Variants in PUM3 observed in about 807,000 individuals in gnomAD.
PUM3 encodes pumilio RNA binding family member 3.
In PUM3, 91 loss-of-function variants were observed where a neutral mutation model predicts 84.0. That is an observed-to-expected ratio of 1.08 (90% CI 0.91 to 1.29). PUM3 has a LOEUF of 1.29. PUM3 is among the 50% of genes most tolerant of loss of function. The pLI is 0.00. For missense variants in PUM3, 1,067 were observed against 767.5 expected (o/e 1.39, Z -4.61); for synonymous variants, 321 against 266.7 (o/e 1.20, Z -1.98).
chr9:2,838,318 A>G, intron 2 of PUM3, 108 bp downstream of exon 2: 1 of 765,628 alleles, frequency 1.3e-6, no homozygotes, highest in Non-Finnish European at 2.3e-6. Context: ...ACTTCTTCCT[A>G]CTATTTTAAT....
At chr9:2,829,093 A>C (rs1285525042) in intron 8 of PUM3, among the ~76,000 whole-genome samples, 3 of 152,246 alleles carry the variant, frequency 2.0e-5, no homozygotes, top group Non-Finnish European at 4.4e-5. Context: ...CATATGTTTT[A>C]TAATTAGTTG....
intron 17 of PUM3, 149 bp from the exon 18 acceptor site, chr9:2,804,612 G>GAC (rs1382233324): frequency 3.2e-5 from 24 of 743,688 alleles, no homozygotes; most frequent in Non-Finnish European, 4.9e-5. Flanking sequence ...TGAATGATGA[G>GAC]ACCAGTAGCC....
chr9:2,820,148 C>G (rs772548547), intron 12 of PUM3, 50 bp from the exon 13 acceptor site: 12 of 1,118,092 alleles, frequency 1.1e-5, no homozygotes, highest in African/African-American at 1.5e-5. Flanking sequence ...CATAGATCTT[C>G]CCTCTTATTT....
At chr9:2,828,019 A>G (rs1815870127) in intron 9 of PUM3, among the ~76,000 whole-genome samples, 1 of 152,102 alleles carries the variant, frequency 6.6e-6, no homozygotes, top group South Asian at 2.1e-4. Context: ...CAGGCTTCCA[A>G]GTCTTACAAT....
chr9:2,832,348 G>A lies in PUM3; in HGVS notation c.517-1004C>T, dbSNP rs572605772. 2.6e-5 allele frequency among the ~76,000 whole-genome samples: 4 copies of A among 152,106 alleles called. No homozygotes were observed. The East Asian group carries it at 5.8e-4, about 22-fold the overall frequency. On this transcript the variant is annotated intron_variant, in intron 5 of 17. Transcript: ENST00000397885. The stretch of plus-strand genomic sequence containing the variant: ...GAAGTAAGGTTATGAGAAGGAACTC[G>A]CTATCTCTATTACCCCGAGGAAGAA...
In PUM3 at chr9:2,804,376, G is replaced by A. The variant is rs1821219049; in HGVS notation, c.1902C>T (p.Ser634=). Residue 634 remains serine, a synonymous_variant, in exon 18 of 18, where the codon AGC becomes AGT. Coordinates refer to ENST00000397885, the MANE Select transcript of PUM3 (RefSeq NM_014878.5). ...SLIPTLEKTK[S]TSKGIEILLE... is the part of the protein sequence containing the mutation. ...GTAGAATTTCTATTCCTTTGCTGGT[G>A]CTTTTGGTTTTTTCCAATGTAGGAA... 1.9e-6 allele frequency: 3 copies of A among 1,613,766 alleles called. No individual in the cohort carries two copies. Among genetic ancestry groups the A allele is most frequent in the Non-Finnish European group, 2.5e-6 (3 of 1,179,858 alleles).
intron 17 of PUM3, among the ~76,000 whole-genome samples, chr9:2,805,253 G>A (rs371893764): frequency 7.9e-5 from 12 of 152,188 alleles, no homozygotes; most frequent in East Asian, 7.7e-4. Context: ...AAATAAGCCC[G>A]GCCTCTGCGT....
rs73377856 is a variant in PUM3, at chr9:2,829,857, A to T, written c.769T>A (p.Tyr257Asn). The T allele has an allele frequency of 2.5e-5, 40 of 1,614,094 alleles. No individual in the cohort carries two copies. In the African/African-American group the frequency reaches 5.3e-4, roughly 22 times the overall value. Residue 257 changes from tyrosine (Y) to asparagine (N), a missense_variant, in exon 8 of 18, where the codon TAC becomes AAC. Coordinates refer to ENST00000397885, the MANE Select transcript of PUM3 (RefSeq NM_014878.5). ...RHAEASAIVE[Y>N]AYNDKAILEQ... ...AAAATGGCTTTGTCATTGTATGCGT[A>T]CTCCACGATGGCTGATGCTTCCGCA...
rs757836700 is a variant in PUM3 at position 2,811,602 on chromosome 9, G to C, written c.1413-19C>G. 1 of 1,575,880 alleles carries C rather than the reference G, an allele frequency of 6.3e-7. No homozygotes were observed. The highest frequency in any genetic ancestry group is 1.3e-5 in the African/African-American group (1 of 74,256). Reference sequence around the variant, plus strand: ...TTTCTTACTGTTGAGTATGTTGAACGGGGTATTAAGGTAAGATAAATCGCA... The same window carrying C: ...TTTCTTACTGTTGAGTATGTTGAACCGGGTATTAAGGTAAGATAAATCGCA... On this transcript the variant is annotated intron_variant, in intron 14 of 17. Coordinates refer to ENST00000397885, the MANE Select transcript of PUM3 (RefSeq NM_014878.5).
intron 13 of PUM3, among the ~76,000 whole-genome samples, chr9:2,815,437 T>C (rs1025301568): frequency 6.6e-6 from 1 of 152,154 alleles, no homozygotes; most frequent in Non-Finnish European, 1.5e-5. Flanking sequence ...GTAACATGTA[T>C]AAATAGGTAA....
chr9:2,831,453 A>G (rs939797493), intron 5 of PUM3, 109 bp from the exon 6 acceptor site: 1 of 708,628 alleles, frequency 1.4e-6, no homozygotes, highest in South Asian at 1.7e-5. Flanking sequence ...GGTAGTCTTC[A>G]TGAATAAAAT....
chr9:2,827,099 TA>T lies in PUM3; in HGVS notation c.1008del (p.Phe336LeufsTer12). 1.2e-6 allele frequency: 2 copies of T among 1,609,370 alleles called. No homozygotes were observed. The highest frequency in any genetic ancestry group is 1.7e-5 in the Admixed American group (1 of 59,334). ...GATCTGAGTTTGGGGGGTGCATAGG[TA>T]AAAAAGTCCAAGAATACTTTATGCA... is the stretch of plus-strand genomic sequence containing the variant. ...SLVHKVFLDFFTYAPPKLRSE... is the reference protein window; with the variant it reads ...SLVHKVFLDFXTYAPPKLRSE... On this transcript the variant is annotated frameshift_variant, in exon 10 of 18. Transcript: ENST00000397885. LOFTEE classifies it high-confidence loss of function.
At chr9:2,843,149 T>C (rs1047735271) in intron 1 of PUM3, among the ~76,000 whole-genome samples, 15 of 152,154 alleles carry the variant, frequency 9.9e-5, no homozygotes, top group African/African-American at 3.4e-4. Context: ...GGAACGGAAA[T>C]GTTTTCCTAT....
intron 8 of PUM3, 55 bp downstream of exon 8, chr9:2,829,719 A>C: frequency 6.8e-7 from 1 of 1,480,908 alleles, no homozygotes; most frequent in East Asian, 2.3e-5. Flanking sequence ...CCGGAAGTTA[A>C]GGAAGAGCAT....
chr9:2,828,760 G>C lies in PUM3; in HGVS notation c.871C>G (p.Leu291Val). The change falls in exon 9 of 18, where the codon CTG (leucine) becomes GTG (valine). Residue 291 changes from leucine to valine, a missense_variant. Coordinates refer to ENST00000397885, the MANE Select transcript of PUM3 (RefSeq NM_014878.5). ...QLYKSADHRT[L>V]DKVLEVQPEK... ...GGCTGTACCTCTAACACTTTGTCCA[G>C]AGTTCGGTGATCTGCTGACTGCAAC... 1 of 1,598,182 alleles carries C rather than the reference G, an allele frequency of 6.3e-7. No homozygotes were observed. The highest frequency in any genetic ancestry group is 8.6e-7 in the Non-Finnish European group (1 of 1,165,928).
chr9:2,810,738 G>T (rs1040331575), intron 15 of PUM3, among the ~76,000 whole-genome samples: 2 of 152,130 alleles, frequency 1.3e-5, no homozygotes, highest in Admixed American at 6.6e-5. Context: ...TGCTAATCAC[G>T]TCTTGGATTG....
At position 2,831,356 on chromosome 9, in the gene PUM3, A is replaced by G; in HGVS notation, c.517-12T>C. 6.5e-7 allele frequency: 1 copy of G among 1,536,996 alleles called. No homozygotes were observed. Among genetic ancestry groups the G allele is most frequent in the South Asian group, 1.1e-5 (1 of 87,626 alleles). ...TGTGCAAATGCAATCTGCAGGAAAA[A>G]GTTTGAGTTAGACTAATTCTCTTTT... is the stretch of plus-strand genomic sequence containing the variant. On this transcript the variant is annotated splice_polypyrimidine_tract_variant and intron_variant, in intron 5 of 17. Transcript: ENST00000397885.
chr9:2,823,022 T>A (rs79231357), intron 12 of PUM3, among the ~76,000 whole-genome samples: 6,107 of 151,832 alleles, frequency 0.04, 133 homozygotes, highest in East Asian at 0.069. Context: ...TTTCAAAGGA[T>A]AAAGTAGTTG....
rs201936048 is a variant in PUM3, at chr9:2,837,233, G to T, written c.251C>A (p.Pro84Gln). The T allele has an allele frequency of 1.9e-6, 3 of 1,614,032 alleles. No homozygotes were observed. Among genetic ancestry groups the T allele is most frequent in the Non-Finnish European group, 2.5e-6 (3 of 1,179,966 alleles). The change falls in exon 3 of 18, where the codon CCG (proline) becomes CAG (glutamine). Residue 84 changes from proline (P) to glutamine (Q), a missense_variant. Pro to Gln is a moderately conservative substitution (Grantham distance 76, BLOSUM62 -1). Transcript: ENST00000397885. ...TCTCTTCTTGTTGAATTTATTTGCC[G>T]GCTGGAATTTGTTCTTTGGTGATTT... Reference protein sequence around the residue: ...GDKSPKNKFQPANKFNKKRKF... With the variant: ...GDKSPKNKFQQANKFNKKRKF...
Sources: allele counts gnomAD v4.1 joint callset (sites outside exome capture counted in the v4.1 genomes callset), GRCh38; gene constraint gnomAD v4.1.1; transcripts MANE v1.5; gene names NCBI Gene and HGNC (gene_info 2026-07-23, HGNC 2026-07-21).